Variants in COL11A1 observed in about 807,000 individuals in gnomAD.
The protein encoded by COL11A1 is collagen alpha-1(XI) chain.
In COL11A1, 74 loss-of-function variants were observed where a neutral mutation model predicts 265.2. The ratio of observed to expected loss-of-function variants is 0.28; its 90% CI spans 0.23 to 0.34. The LOEUF (loss-of-function observed/expected upper bound fraction) is 0.34. Ranked by LOEUF, COL11A1 falls within the 10% of genes least tolerant of loss-of-function variation. The pLI is 1.00. For synonymous variants in COL11A1, 816 were observed against 727.6 expected, an observed-to-expected ratio of 1.12 and a Z score of -1.96; for missense variants, 2,165 against 2,263.6, an observed-to-expected ratio of 0.96 and a Z score of 0.88.
In COL11A1 at chr1:102,971,026, C is replaced by CAAACAA. The variant is rs55924751; in HGVS notation, c.2809-755_2809-754insTTGTTT. 3.5e-3 allele frequency among the ~76,000 whole-genome samples: 528 copies of CAAACAA among 150,580 alleles called. 2 individuals carry two copies. Among genetic ancestry groups the CAAACAA allele is most frequent in the East Asian group, 9.0e-3 (46 of 5,124 alleles). On this transcript the variant is annotated intron_variant, in intron 36 of 66. Coordinates refer to ENST00000370096, the MANE Select transcript of COL11A1 (RefSeq NM_001854.4). The stretch of plus-strand genomic sequence containing the variant: ...AAAACAAAAAACAAAACAAAACAAA[C>CAAACAA]AAAAAAAAACCAAGAATGCAAAATA...
rs576696347 is a variant in COL11A1 at position 102,941,974 on chromosome 1, C to T, written c.3277-1540G>A. On this transcript the variant is annotated intron_variant, in intron 42 of 66. Transcript: ENST00000370096. ...TAATTAATGACAACAAAAGTAACAA[C>T]ATTAATAAGGCAAAATTAAATTGTT... Among the ~76,000 whole-genome samples the T allele has an allele frequency of 2.0e-5, 3 of 152,248 alleles. No individual in the cohort carries two copies. The South Asian group carries it at 6.2e-4, about 32-fold the overall frequency.
At chr1:103,036,851 T>A (rs1212026475) in intron 4 of COL11A1, among the ~76,000 whole-genome samples, 1 of 152,086 alleles carries the variant, frequency 6.6e-6, no homozygotes, top group Non-Finnish European at 1.5e-5. Context: ...GTACAGTTGA[T>A]GCAATTACTT....
intron 2 of COL11A1, among the ~76,000 whole-genome samples, chr1:103,082,231 TGTGA>T (rs773627279): frequency 3.3e-4 from 50 of 152,164 alleles, no homozygotes; most frequent in Non-Finnish European, 6.8e-4. Flanking sequence ...GAGGGATAAC[TGTGA>T]GATGTGACTA....
chr1:102,956,820 C>G (rs1022811138), intron 41 of COL11A1, among the ~76,000 whole-genome samples: 1 of 151,258 alleles, frequency 6.6e-6, no homozygotes, highest in Non-Finnish European at 1.5e-5. Context: ...TCTATTTTGA[C>G]TCCATTATTT....
rs142576727 is a variant in COL11A1, at chr1:102,989,881, A to G, written c.2341-310T>C. On this transcript the variant is annotated intron_variant, in intron 28 of 66. Transcript: ENST00000370096. ...TAACAACATGTATTCTATACTGGTT[A>G]AACAAATAAAAAGTAAATATTTAGC... 0.013 allele frequency among the ~76,000 whole-genome samples: 1,913 copies of G among 152,246 alleles called. 36 individuals carry two copies. The highest frequency in any genetic ancestry group is 0.043 in the African/African-American group (1,783 of 41,546).
intron 9 of COL11A1, 140 bp from the exon 10 acceptor site, chr1:103,018,999 T>C: frequency 1.5e-6 from 1 of 664,810 alleles, no homozygotes; most frequent in Non-Finnish European, 2.6e-6. Flanking sequence ...ATTACAAATG[T>C]TTTTGCACAG....
intron 63 of COL11A1, among the ~76,000 whole-genome samples, 166 bp from the exon 64 acceptor site, chr1:102,883,477 G>T (rs1217888977): frequency 1.3e-5 from 2 of 152,088 alleles, no homozygotes; most frequent in Non-Finnish European, 2.9e-5. Flanking sequence ...AATAAAGAGT[G>T]ATACTTTCTC....
chr1:102,976,229 C>T (rs1662449879), intron 35 of COL11A1, among the ~76,000 whole-genome samples: 1 of 142,602 alleles, frequency 7.0e-6, no homozygotes, highest in African/African-American at 2.5e-5. Flanking sequence ...TTCCAAAAAT[C>T]ATTACTTTAA....
rs1044368824 is a variant in COL11A1 at position 103,082,904 on chromosome 1, C to G, written c.175G>C (p.Gly59Arg). 6.2e-7 allele frequency: 1 copy of G among 1,613,296 alleles called. No individual in the cohort carries two copies. The highest frequency in any genetic ancestry group is 8.5e-7 in the Non-Finnish European group (1 of 1,179,660). Residue 59 changes from glycine to arginine, a missense_variant, in exon 2 of 67, where the codon GGA (glycine) becomes CGA (arginine). Transcript: ENST00000370096. The part of the protein sequence containing the change: ...NSPEGISKTT[G>R]FCTNRKNSKG... ...GAATTCTTTCTGTTTGTGCAAAATC[C>G]CGTTGTTTTTGATATTCCCTCTGGA...
At chr1:102,995,396 T>A (rs1412830092) in intron 28 of COL11A1, among the ~76,000 whole-genome samples, 1 of 152,170 alleles carries the variant, frequency 6.6e-6, no homozygotes, top group African/African-American at 2.4e-5. Flanking sequence ...TGTGTAATAC[T>A]ATATAGAAAG....
At chr1:103,049,357 C>T (rs1273340979) in intron 4 of COL11A1, among the ~76,000 whole-genome samples, 4 of 152,240 alleles carry the variant, frequency 2.6e-5, no homozygotes, top group East Asian at 1.9e-4. Context: ...TATGTAATGG[C>T]CTTCTTTGTC....
chr1:103,066,189 G>T (rs2102231491), intron 4 of COL11A1, among the ~76,000 whole-genome samples: 1 of 151,962 alleles, frequency 6.6e-6, no homozygotes, highest in South Asian at 2.1e-4. Context: ...GAAAAATATG[G>T]AGCTTCAGAA....
At chr1:103,040,183 C>T (rs1008211059) in intron 4 of COL11A1, among the ~76,000 whole-genome samples, 1 of 151,312 alleles carries the variant, frequency 6.6e-6, no homozygotes, top group African/African-American at 2.4e-5. Flanking sequence ...TATTGTAATC[C>T]TACTTCATGT....
At chr1:102,938,392 TAA>T (rs5776666) in intron 44 of COL11A1, among the ~76,000 whole-genome samples, 4 of 151,236 alleles carry the variant, frequency 2.6e-5, no homozygotes, top group South Asian at 2.1e-4. Context: ...AAAAAAAAAT[TAA>T]AAAAAAAGAA....
intron 47 of COL11A1, among the ~76,000 whole-genome samples, chr1:102,921,832 C>G (rs1656022263): frequency 6.6e-6 from 1 of 152,134 alleles, no homozygotes; most frequent in African/African-American, 2.4e-5. Flanking sequence ...TTGCTACTGT[C>G]TGGTATAATG....
chr1:103,094,727 TAAG>T (rs1164909978), intron 1 of COL11A1, among the ~76,000 whole-genome samples: 1 of 152,140 alleles, frequency 6.6e-6, no homozygotes, highest in Non-Finnish European at 1.5e-5. Flanking sequence ...TTCTCTATTG[TAAG>T]AATACAGCAT....
At chr1:102,906,894 T>G (rs1654047117) in intron 54 of COL11A1, among the ~76,000 whole-genome samples, 1 of 152,148 alleles carries the variant, frequency 6.6e-6, no homozygotes, top group East Asian at 1.9e-4. Flanking sequence ...TAAGAGTAAT[T>G]TTTCACACCA....
intron 64 of COL11A1, among the ~76,000 whole-genome samples, chr1:102,882,204 G>T (rs868679378): frequency 1.3e-5 from 2 of 152,148 alleles, no homozygotes; most frequent in South Asian, 2.1e-4. Context: ...GATATACTGT[G>T]TGAAAGGCAC....
chr1:103,000,758 C>A (rs890602370), intron 24 of COL11A1, among the ~76,000 whole-genome samples: 2 of 151,796 alleles, frequency 1.3e-5, no homozygotes, highest in Admixed American at 6.6e-5. Context: ...TAAGTATATA[C>A]CAAAAAGAAT....
Sources: allele counts gnomAD v4.1 joint callset (sites outside exome capture counted in the v4.1 genomes callset), GRCh38; gene constraint gnomAD v4.1.1; transcripts MANE v1.5; gene names NCBI Gene and HGNC (gene_info 2026-07-23, HGNC 2026-07-21).